The following VEGFC variants were observed in gnomAD, a reference collection of about 807,000 sequenced individuals.
The protein encoded by VEGFC is FLT4 ligand DHM.
In VEGFC, 12 loss-of-function variants were observed where a neutral mutation model predicts 46.1. The observed-to-expected ratio is 0.26, with a 90% CI of 0.17 to 0.42. The LOEUF is 0.42. Ranked by LOEUF, VEGFC falls within the 10% of genes least tolerant of loss-of-function variation. The pLI is 1.00. For synonymous variants in VEGFC, 232 were observed against 195.5 expected (o/e 1.19, Z -1.56); for missense variants, 488 against 529.4 (o/e 0.92, Z 0.77).
intron 4 of VEGFC, among the ~76,000 whole-genome samples, chr4:176,696,407 C>T (rs891561315): frequency 6.1e-5 from 9 of 146,856 alleles, no homozygotes; most frequent in African/African-American, 2.1e-4. Context: ...GAATAAAATA[C>T]CTAGGAATCC....
intron 4 of VEGFC, among the ~76,000 whole-genome samples, chr4:176,692,763 C>T (rs976813141): frequency 1.4e-4 from 21 of 148,096 alleles, no homozygotes; most frequent in African/African-American, 1.0e-4. Flanking sequence ...GTTCTCCCAG[C>T]ACGCAGCTGG....
intron 1 of VEGFC, among the ~76,000 whole-genome samples, chr4:176,734,279 A>G (rs1735018827): frequency 6.6e-6 from 1 of 151,830 alleles, no homozygotes; most frequent in Non-Finnish European, 1.5e-5. Flanking sequence ...TTAAATAAGA[A>G]AGTCACCAAG....
intron 4 of VEGFC, among the ~76,000 whole-genome samples, chr4:176,709,370 T>G (rs1383801582): frequency 6.6e-6 from 1 of 152,182 alleles, no homozygotes; most frequent in African/African-American, 2.4e-5. Flanking sequence ...GCAGACAATA[T>G]AAACTTACTG....
chr4:176,756,682 A>T (rs1324483604), intron 1 of VEGFC, among the ~76,000 whole-genome samples: 1 of 152,072 alleles, frequency 6.6e-6, no homozygotes, highest in Non-Finnish European at 1.5e-5. Context: ...ATATGATGGA[A>T]AGAAGTCACT....
At chr4:176,733,137 C>A (rs1444752631) in intron 1 of VEGFC, among the ~76,000 whole-genome samples, 3 of 151,922 alleles carry the variant, frequency 2.0e-5, no homozygotes, top group Middle Eastern at 3.2e-3. Context: ...GGACGTGCAG[C>A]AACTGGAACT....
chr4:176,713,434 A>T (rs1734649776), intron 3 of VEGFC, among the ~76,000 whole-genome samples: 1 of 152,198 alleles, frequency 6.6e-6, no homozygotes, highest in Admixed American at 6.5e-5. Flanking sequence ...ACTACAGAAG[A>T]CATACAAAGT....
chr4:176,721,816 T>G (rs1734792374), intron 3 of VEGFC, among the ~76,000 whole-genome samples: 1 of 151,926 alleles, frequency 6.6e-6, no homozygotes, highest in African/African-American at 2.4e-5. Context: ...GTCACAAGGT[T>G]GAGTGGACAG....
intron 4 of VEGFC, among the ~76,000 whole-genome samples, chr4:176,690,612 T>C (rs953051134): frequency 6.0e-5 from 7 of 115,972 alleles, no homozygotes; most frequent in Non-Finnish European, 8.5e-5. Context: ...TCAGGACTTA[T>C]CCAAAACAGT....
intron 1 of VEGFC, among the ~76,000 whole-genome samples, chr4:176,789,686 T>C (rs1250317700): frequency 6.6e-6 from 1 of 152,216 alleles, no homozygotes; most frequent in Non-Finnish European, 1.5e-5. Flanking sequence ...ATTTTAAGAC[T>C]TTTCAGTAAG....
Position 176,707,735 on chromosome 4 carries a change from C to T in VEGFC, c.704+3764G>A, listed in dbSNP as rs796754191. On this transcript the variant is annotated intron_variant, in intron 4 of 6. Transcript: ENST00000618562. ...GCCATTACATGAACAGCATTGGCAA[C>T]GGAACACACCCCAAGTGTTTGCAAT... Among the ~76,000 whole-genome samples the T allele has an allele frequency of 7.2e-5, 11 of 152,104 alleles. 1 individual carries two copies. The highest frequency in any genetic ancestry group is 1.3e-4 in the Admixed American group (2 of 15,262).
intron 4 of VEGFC, among the ~76,000 whole-genome samples, chr4:176,690,084 T>C (rs1424807102): frequency 1.3e-5 from 2 of 152,204 alleles, no homozygotes; most frequent in Admixed American, 6.5e-5. Flanking sequence ...AATTTCATAC[T>C]GTTACTTCCA....
At chr4:176,706,561 G>C (rs1320878712) in intron 4 of VEGFC, among the ~76,000 whole-genome samples, 1 of 141,258 alleles carries the variant, frequency 7.1e-6, no homozygotes, top group Non-Finnish European at 1.5e-5. Flanking sequence ...AGGAGGAGGA[G>C]GTTGCAGTGA....
chr4:176,740,328 AAT>A (rs1183675004), intron 1 of VEGFC, among the ~76,000 whole-genome samples: 4 of 120,094 alleles, frequency 3.3e-5, no homozygotes, highest in Non-Finnish European at 4.8e-5. Flanking sequence ...TTTATAAATA[AAT>A]ATATATAACT....
In VEGFC at chr4:176,687,271, T is replaced by C; in HGVS notation, c.1061A>G (p.Asn354Ser). 2 of 1,614,178 alleles carry C rather than the reference T, an allele frequency of 1.2e-6. No homozygotes were observed. Among genetic ancestry groups the C allele is most frequent in the Non-Finnish European group, 8.5e-7 (1 of 1,180,028 alleles). ...KRTCPRNQPL[N>S]PGKCACECTE... ...ACATTCACAGGCACATTTTCCAGGATTTAGGGGTTGATTTCTGGGGCAGGT... is the reference window on the plus strand; with the variant it reads ...ACATTCACAGGCACATTTTCCAGGACTTAGGGGTTGATTTCTGGGGCAGGT... Residue 354 changes from asparagine to serine, a missense_variant, in exon 6 of 7, where the codon AAT becomes AGT. Coordinates refer to ENST00000618562, the MANE Select transcript of VEGFC (RefSeq NM_005429.5).
In VEGFC at chr4:176,687,425, T is replaced by A; in HGVS notation, c.907A>T (p.Ser303Cys). The A allele has an allele frequency of 1.2e-6, 2 of 1,614,216 alleles. No homozygotes were observed. The highest frequency in any genetic ancestry group is 1.7e-6 in the Non-Finnish European group (2 of 1,180,022). ...TCTAGTTCTTTGTGGGGTCCACAGC[T>A]GGCAGGCCGAAGCCCCGCTCTGCAG... ...CVCRAGLRPA[S>C]CGPHKELDRN... is the part of the protein sequence containing the mutation. Residue 303 changes from serine to cysteine, a missense_variant, in exon 6 of 7, where the codon AGC (serine) becomes TGC (cysteine). Transcript: ENST00000618562.
chr4:176,753,951 C>T (rs1011333855), intron 1 of VEGFC, among the ~76,000 whole-genome samples: 6 of 152,036 alleles, frequency 3.9e-5, no homozygotes, highest in Non-Finnish European at 7.4e-5. Context: ...CAGACTACAA[C>T]GTCCTTTCGC....
intron 1 of VEGFC, among the ~76,000 whole-genome samples, chr4:176,749,900 T>C (rs1735314199): frequency 6.6e-6 from 1 of 151,812 alleles, no homozygotes; most frequent in East Asian, 1.9e-4. Context: ...CTATATTCTA[T>C]AACATATTGT....
intron 1 of VEGFC, among the ~76,000 whole-genome samples, chr4:176,757,757 C>T (rs1161300354): frequency 6.6e-6 from 1 of 151,942 alleles, no homozygotes. Context: ...AGATTTAATT[C>T]TCATATAATT....
chr4:176,714,934 G>C lies in VEGFC; in HGVS notation c.553-3284C>G, dbSNP rs1040748287. On this transcript the variant is annotated intron_variant, in intron 3 of 6. Coordinates refer to ENST00000618562, the MANE Select transcript of VEGFC (RefSeq NM_005429.5). ...GTGTGGCTCTATGCTTTCAAAGGCT[G>C]CAAGAAATGTGTTTTTGAATACACT... is the stretch of plus-strand genomic sequence containing the variant. Among the ~76,000 whole-genome samples, 4 of 152,284 alleles carry C rather than the reference G, an allele frequency of 2.6e-5. No individual in the cohort carries two copies. The East Asian group carries it at 7.7e-4, about 29-fold the overall frequency.
Sources: allele counts gnomAD v4.1 joint callset (sites outside exome capture counted in the v4.1 genomes callset), GRCh38; gene constraint gnomAD v4.1.1; transcripts MANE v1.5; gene names NCBI Gene and HGNC (gene_info 2026-07-23, HGNC 2026-07-21).